CDK17: variants seen among roughly 807,000 people sequenced by gnomAD.
CDK17 encodes the protein cyclin-dependent kinase 17.
CDK17 carries 24 observed loss-of-function variants against 77.6 expected under a neutral mutation model. The ratio of observed to expected loss-of-function variants is 0.31; its 90% CI spans 0.22 to 0.44. CDK17 has a LOEUF of 0.44. Among genes scored for constraint, CDK17 ranks in the 20% least tolerant of loss-of-function variants. CDK17 has a pLI of 1.00. For synonymous variants in CDK17, 203 were observed against 210.4 expected, an observed-to-expected ratio of 0.96 and a Z score of 0.30; for missense variants, 429 against 622.5, an observed-to-expected ratio of 0.69 and a Z score of 3.31.
intron 5 of CDK17, among the ~76,000 whole-genome samples, chr12:96,305,645 A>G (rs1952567409): frequency 6.6e-6 from 1 of 152,172 alleles, no homozygotes; most frequent in Non-Finnish European, 1.5e-5. Flanking sequence ...AACAAAAAAG[A>G]ACAGAATGGG....
At chr12:96,363,621 G>A (rs1034056826) in intron 1 of CDK17, among the ~76,000 whole-genome samples, 1 of 152,142 alleles carries the variant, frequency 6.6e-6, no homozygotes, top group African/African-American at 2.4e-5. Flanking sequence ...GTCAAGGCGG[G>A]CAGATCATGA....
intron 1 of CDK17, among the ~76,000 whole-genome samples, chr12:96,376,750 G>A (rs1251142961): frequency 2.0e-5 from 3 of 152,162 alleles, no homozygotes. Flanking sequence ...ATAAAATAGA[G>A]TTTAGTAATC....
chr12:96,328,496 C>G (rs10860018), intron 2 of CDK17, among the ~76,000 whole-genome samples: 130,658 of 152,080 alleles, frequency 0.86, 56,150 homozygotes, highest in African/African-American at 0.87. Context: ...TCATGAGTTT[C>G]TAAGTTATTT....
intron 1 of CDK17, among the ~76,000 whole-genome samples, chr12:96,373,421 C>T (rs145549304): frequency 0.01 from 1,535 of 151,520 alleles, 49 homozygotes; most frequent in Admixed American, 0.065. Flanking sequence ...GGCGAAACCC[C>T]GTCTCTACTA....
chr12:96,355,666 A>G (rs1279989040), intron 1 of CDK17, among the ~76,000 whole-genome samples: 1 of 152,084 alleles, frequency 6.6e-6, no homozygotes, highest in African/African-American at 2.4e-5. Flanking sequence ...TCAGCCTCCC[A>G]AAGTGCTGGG....
intron 2 of CDK17, among the ~76,000 whole-genome samples, chr12:96,325,861 C>G (rs1486840604): frequency 6.6e-6 from 1 of 152,040 alleles, no homozygotes; most frequent in African/African-American, 2.4e-5. Context: ...CTACAGCATA[C>G]AATAAGATTT....
intron 1 of CDK17, among the ~76,000 whole-genome samples, chr12:96,391,599 T>C (rs535585929): frequency 9.2e-5 from 14 of 152,308 alleles, no homozygotes; most frequent in Admixed American, 8.5e-4. Flanking sequence ...CCAGTTTTTT[T>C]CGGTTAAACC....
intron 1 of CDK17, among the ~76,000 whole-genome samples, chr12:96,374,648 GCA>G (rs1041374608): frequency 3.3e-5 from 5 of 152,098 alleles, no homozygotes; most frequent in African/African-American, 1.2e-4. Context: ...TTCCTAAGAA[GCA>G]ACATCAGAGA....
At position 96,280,158 on chromosome 12, in the gene CDK17, A is replaced by G; in HGVS notation, c.*84T>C. The G allele has an allele frequency of 1.4e-6, 2 of 1,391,612 alleles. No homozygotes were observed. Among genetic ancestry groups the G allele is most frequent in the South Asian group, 2.7e-5 (2 of 73,790 alleles). The allele number at this position is 1,391,612 out of a possible 1,614,324, so 86.2% of individuals were successfully genotyped here. A position where few individuals can be genotyped will look rare whatever the true frequency, so the allele number is the denominator to read the frequency against. On this transcript the variant is annotated 3_prime_UTR_variant, in exon 17 of 17. Transcript: ENST00000261211. ...GTAGACAAACGGAGATTCCAAGTCC[A>G]CCAAAAGAAATAATTGCCTTCAGTT... is the stretch of plus-strand genomic sequence containing the variant.
chr12:96,358,370 TAAAAAAAAAAAAAAA>T (rs35899533), intron 1 of CDK17, among the ~76,000 whole-genome samples: 8 of 35,184 alleles, frequency 2.3e-4, no homozygotes, highest in African/African-American at 8.2e-4. Flanking sequence ...TGCAAACTTG[TAAAAAAAAAAAAAAA>T]AAAAAAAAAA....
At chr12:96,329,973 GTGACATTC>G (rs947935988) in intron 2 of CDK17, among the ~76,000 whole-genome samples, 1 of 152,152 alleles carries the variant, frequency 6.6e-6, no homozygotes, top group Non-Finnish European at 1.5e-5. Context: ...ATCATGATAA[GTGACATTC>G]TGTTAGGTTT....
chr12:96,286,284 C>A, intron 12 of CDK17, 136 bp from the exon 13 acceptor site: 1 of 271,550 alleles, frequency 3.7e-6, no homozygotes, highest in Non-Finnish European at 6.6e-6. Flanking sequence ...ATTTCAACTG[C>A]AATTGAAATG....
At chr12:96,307,871 A>G (rs1010635049) in intron 5 of CDK17, among the ~76,000 whole-genome samples, 1 of 150,954 alleles carries the variant, frequency 6.6e-6, no homozygotes, top group African/African-American at 2.4e-5. Context: ...TCTGTCTCAC[A>G]CACACAGACA....
At position 96,316,711 on chromosome 12, in the gene CDK17, C is replaced by T. The variant is rs368460455; in HGVS notation, c.284-3257G>A. 1.8e-3 allele frequency among the ~76,000 whole-genome samples: 218 copies of T among 122,220 alleles called. 23 individuals are homozygous for T. The highest frequency in any genetic ancestry group is 6.2e-3 in the African/African-American group (205 of 33,204). The allele number at this position is 122,220 out of a possible 152,430, so 80.2% of individuals were successfully genotyped here. A position where few individuals can be genotyped will look rare whatever the true frequency, so the allele number is the denominator to read the frequency against. ...AGCAGGGGCACACTGACACCTCACA[C>T]GGCAGGGTATTCCAACAGACCTGCA... On this transcript the variant is annotated intron_variant, in intron 3 of 16. Coordinates refer to ENST00000261211, the MANE Select transcript of CDK17 (RefSeq NM_002595.5).
At chr12:96,392,248 C>G (rs1954081417) in intron 1 of CDK17, among the ~76,000 whole-genome samples, 1 of 152,198 alleles carries the variant, frequency 6.6e-6, no homozygotes, top group Non-Finnish European at 1.5e-5. Context: ...AATTTCTCTA[C>G]AAGTGTCATA....
intron 1 of CDK17, among the ~76,000 whole-genome samples, chr12:96,384,986 G>T (rs1229845409): frequency 6.7e-6 from 1 of 149,792 alleles, no homozygotes; most frequent in Non-Finnish European, 1.5e-5. Flanking sequence ...TTCCAGTCAG[G>T]GTGAAAGCAA....
chr12:96,280,632 A>C, intron 16 of CDK17, 176 bp downstream of exon 16: 1 of 1,420,268 alleles, frequency 7.0e-7, no homozygotes, highest in Non-Finnish European at 9.2e-7. Context: ...AGATTTACTG[A>C]GCTGCCCACA....
chr12:96,289,273 T>G lies in CDK17; in HGVS notation c.1012A>C (p.Lys338Gln). 2 of 1,613,906 alleles carry G rather than the reference T, an allele frequency of 1.2e-6. No homozygotes were observed. Among genetic ancestry groups the G allele is most frequent in the Non-Finnish European group, 1.7e-6 (2 of 1,179,804 alleles). The change falls in exon 11 of 17, where the codon AAG (lysine) becomes CAG (glutamine). Residue 338 changes from lysine (K) to glutamine (Q), a missense_variant. By Grantham distance (53) the Lys-to-Gln change is moderately conservative (BLOSUM62 1). Around this residue, in one of 4 missense-constraint regions of CDK17, gnomAD observed 51 missense variants for 96.5 expected, o/e 0.53. Transcript: ENST00000261211. The part of the protein sequence containing the change: ...KLADFGLARA[K>Q]SVPTKTYSNE... ...GAGTAGGTCTTTGTGGGAACTGACT[T>G]GGCTCGGGCTAGTCCTTCATAGGGA...
intron 1 of CDK17, among the ~76,000 whole-genome samples, chr12:96,366,635 T>C (rs908341191): frequency 1.3e-5 from 2 of 152,200 alleles, no homozygotes; most frequent in Non-Finnish European, 2.9e-5. Flanking sequence ...AGTTTGATCC[T>C]TTTTTATAAA....
Sources: allele counts gnomAD v4.1 joint callset (sites outside exome capture counted in the v4.1 genomes callset), GRCh38; gene constraint gnomAD v4.1.1; regional missense constraint gnomAD v4.1.1; transcripts MANE v1.5; gene names NCBI Gene and HGNC (gene_info 2026-07-23, HGNC 2026-07-21).